The following VPS54 variants were observed in gnomAD, a reference collection of about 807,000 sequenced individuals.
VPS54 encodes the protein vacuolar protein sorting-associated protein 54.
VPS54 carries 45 observed loss-of-function variants against 121.5 expected under a neutral mutation model. That is an observed-to-expected ratio of 0.37 (90% confidence interval 0.29 to 0.47). VPS54 has a LOEUF of 0.47. VPS54 is among the 20% of genes least tolerant of loss of function. The pLI, the probability that VPS54 is intolerant of heterozygous loss-of-function variation, is 0.99. For missense variants in VPS54, 1,090 were observed against 1,131.4 expected, an observed-to-expected ratio of 0.96 and a Z score of 0.52; for synonymous variants, 371 against 385.8, an observed-to-expected ratio of 0.96 and a Z score of 0.45.
chr2:63,948,898 T>C, intron 8 of VPS54, 139 bp downstream of exon 8: 1 of 919,854 alleles, frequency 1.1e-6, no homozygotes, highest in Non-Finnish European at 1.6e-6. Context: ...TCAAGTCACA[T>C]AGCTAGTGAA....
rs71393343 is a variant in VPS54 at position 63,949,662 on chromosome 2, T to TGAG, written c.1011-502_1011-500dup. 5.3e-5 allele frequency among the ~76,000 whole-genome samples: 8 copies of TGAG among 151,962 alleles called. No individual in the cohort carries two copies. In the East Asian group the frequency reaches 1.5e-3, roughly 29 times the overall value. ...AAAGTTATCTTCACATTGAGTAGGCTGAGGAGGAGGAGGGAGAGGAGAGGT... is the reference window on the plus strand; with the variant it reads ...AAAGTTATCTTCACATTGAGTAGGCTGAGGAGGAGGAGGAGGGAGAGGAGAGGT... On this transcript the variant is annotated intron_variant, in intron 7 of 22. Coordinates refer to ENST00000272322, the MANE Select transcript of VPS54 (RefSeq NM_016516.3).
intron 8 of VPS54, among the ~76,000 whole-genome samples, chr2:63,947,696 C>T (rs1675045123): frequency 6.6e-6 from 1 of 152,102 alleles, no homozygotes; most frequent in Non-Finnish European, 1.5e-5. Context: ...AATCCTACCC[C>T]ACCACAGTGA....
At chr2:63,916,798 TA>T (rs1262727113) in intron 16 of VPS54, 101 bp downstream of exon 16, 1 of 1,152,556 alleles carries the variant, frequency 8.7e-7, no homozygotes, top group Non-Finnish European at 1.3e-6. Flanking sequence ...TTAACACTGT[TA>T]AAACTGTTAA....
intron 3 of VPS54, among the ~76,000 whole-genome samples, chr2:63,977,041 C>G (rs1676569761): frequency 6.6e-6 from 1 of 151,970 alleles, no homozygotes; most frequent in Non-Finnish European, 1.5e-5. Context: ...GTTGGCCAGG[C>G]TGGTCTCGAA....
chr2:63,909,617 A>G (rs1673050725), intron 20 of VPS54, among the ~76,000 whole-genome samples: 1 of 149,132 alleles, frequency 6.7e-6, no homozygotes, highest in African/African-American at 2.4e-5. Flanking sequence ...ACAGGGTTTA[A>G]CCATCTTGGC....
chr2:63,927,421 G>T (rs1180268001), intron 12 of VPS54, among the ~76,000 whole-genome samples: 1 of 152,186 alleles, frequency 6.6e-6, no homozygotes, highest in Non-Finnish European at 1.5e-5. Context: ...GTTGAGGGAT[G>T]TGACTGTTGG....
intron 12 of VPS54, among the ~76,000 whole-genome samples, chr2:63,929,969 G>C (rs1410871076): frequency 1.3e-5 from 2 of 152,106 alleles, no homozygotes; most frequent in Non-Finnish European, 2.9e-5. Context: ...CCAGGAAGAA[G>C]TTGAATCTCT....
At chr2:63,966,032 C>A in intron 5 of VPS54, 66 bp from the exon 6 acceptor site, 1 of 1,468,206 alleles carries the variant, frequency 6.8e-7, no homozygotes, top group South Asian at 1.4e-5. Context: ...TCTCTTCTAA[C>A]ATCATGATCA....
intron 5 of VPS54, 69 bp from the exon 6 acceptor site, chr2:63,966,035 C>A: frequency 1.4e-6 from 2 of 1,462,458 alleles, no homozygotes; most frequent in Non-Finnish European, 9.2e-7. Context: ...CTTCTAACAT[C>A]ATGATCATTA....
chr2:64,013,648 A>G (rs1207237448), intron 1 of VPS54, among the ~76,000 whole-genome samples: 2 of 145,764 alleles, frequency 1.4e-5, no homozygotes, highest in African/African-American at 5.0e-5. Context: ...ATATCAATAT[A>G]TAGATATATA....
chr2:63,971,702 C>T (rs1370175433), intron 4 of VPS54, among the ~76,000 whole-genome samples: 1 of 152,226 alleles, frequency 6.6e-6, no homozygotes, highest in Non-Finnish European at 1.5e-5. Flanking sequence ...CTTTAATATA[C>T]AGTGATACAA....
chr2:63,991,668 A>G (rs1033748097), intron 1 of VPS54, among the ~76,000 whole-genome samples: 2 of 152,154 alleles, frequency 1.3e-5, no homozygotes, highest in Non-Finnish European at 2.9e-5. Context: ...AGTACTTGCC[A>G]CTCTAAGTAT....
At chr2:63,897,227 T>C (rs1275107369) in intron 22 of VPS54, among the ~76,000 whole-genome samples, 2 of 152,150 alleles carry the variant, frequency 1.3e-5, no homozygotes, top group African/African-American at 4.8e-5. Flanking sequence ...GGGAAAGCTA[T>C]TGGGTAACTA....
rs958191896 is a variant in VPS54, at chr2:63,933,998, T to G, written c.1414A>C (p.Ile472Leu). ...AGAACTGAGAGAACAACACTGTGAA[T>G]GATATTTAATGTTGCCTACAAGAAA... ...LQRVKATLNI[I>L]HSVVLSVLDK... Residue 472 changes from isoleucine (I) to leucine (L), a missense_variant, in exon 12 of 23, where the codon ATT becomes CTT. Ile to Leu is a conservative substitution (Grantham distance 5). Around this residue, in one of 2 missense-constraint regions of VPS54, gnomAD observed 801 missense variants for 757.0 expected, o/e 1.06. Transcript: ENST00000272322. 1 of 1,611,578 alleles carries G rather than the reference T, an allele frequency of 6.2e-7. No individual in the cohort carries two copies. Among genetic ancestry groups the G allele is most frequent in the Admixed American group, 1.7e-5 (1 of 59,706 alleles).
At chr2:63,970,380 G>A (rs1575972385) in intron 4 of VPS54, among the ~76,000 whole-genome samples, 1 of 146,870 alleles carries the variant, frequency 6.8e-6, no homozygotes, top group South Asian at 2.2e-4. Context: ...CACTCTCAGG[G>A]ATAGTCAAAT....
Position 63,925,935 on chromosome 2 carries a change from C to T in VPS54, c.1740-4600G>A, listed in dbSNP as rs563502015. Among the ~76,000 whole-genome samples the T allele has an allele frequency of 9.2e-5, 14 of 152,294 alleles. 1 individual carries two copies. The highest frequency in any genetic ancestry group is 3.3e-4 in the Admixed American group (5 of 15,306). The stretch of plus-strand genomic sequence containing the variant: ...CTTTGTGCTAGTTAATTGAGCTGAG[C>T]ACTTTATAATTGCTACATTTTCCCA... On this transcript the variant is annotated intron_variant, in intron 12 of 22. Transcript: ENST00000272322.
chr2:63,988,965 A>C (rs759116637), intron 1 of VPS54, among the ~76,000 whole-genome samples: 3 of 152,168 alleles, frequency 2.0e-5, no homozygotes, highest in Admixed American at 1.3e-4. Context: ...AGGAATATTA[A>C]TAATTAACAG....
At chr2:63,948,657 T>A (rs1675102376) in intron 8 of VPS54, among the ~76,000 whole-genome samples, 1 of 152,080 alleles carries the variant, frequency 6.6e-6, no homozygotes, top group South Asian at 2.1e-4. Flanking sequence ...CACCTCAGCC[T>A]CTCAAACTGC....
intron 11 of VPS54, among the ~76,000 whole-genome samples, chr2:63,935,331 G>C (rs1023660053): frequency 6.6e-6 from 1 of 152,106 alleles, no homozygotes; most frequent in Admixed American, 6.6e-5. Flanking sequence ...GCCTTCAAGA[G>C]CTTTAGGACC....
Sources: gnomAD v4.1 joint callset for allele counts (sites outside exome capture counted in the v4.1 genomes callset) on GRCh38, gnomAD v4.1.1 for gene constraint, gnomAD v4.1.1 regional missense constraint, MANE v1.5 for transcripts, NCBI Gene and HGNC (gene_info 2026-07-23, HGNC 2026-07-21) for gene names.